The following UBASH3B variants were observed in gnomAD, a reference collection of about 807,000 sequenced individuals.
UBASH3B encodes ubiquitin-associated and SH3 domain-containing protein B.
Under a neutral mutation model 83.4 loss-of-function variants are expected in UBASH3B, and 37 were observed. The observed-to-expected ratio is 0.44, with a 90% CI of 0.34 to 0.58. The LOEUF (loss-of-function observed/expected upper bound fraction) is 0.58. Ranked by LOEUF, UBASH3B falls within the 20% of genes least tolerant of loss-of-function variation. UBASH3B has a pLI of 0.01. For synonymous variants in UBASH3B, 304 were observed against 318.3 expected, an observed-to-expected ratio of 0.96 and a Z score of 0.48; for missense variants, 657 against 827.2, an observed-to-expected ratio of 0.79 and a Z score of 2.52.
chr11:122,779,090 A>G (rs550720329), intron 3 of UBASH3B, among the ~76,000 whole-genome samples: 1 of 152,332 alleles, frequency 6.6e-6, no homozygotes, highest in East Asian at 1.9e-4. Flanking sequence ...AGCATATAAT[A>G]TGTTATGATG....
chr11:122,806,549 A>C lies in UBASH3B; in HGVS notation c.1702+33A>C, dbSNP rs754059100. ...GTATTATTCTGAACTCCATCTGTAC[A>C]TACGTGATTATTTCTCTATAATGGT... On this transcript the variant is annotated intron_variant, in intron 12 of 13. Transcript: ENST00000284273. The surrounding 1 kb of genome is among the most constrained non-coding windows in gnomAD (Gnocchi z 4.0). 6.5e-7 allele frequency: 1 copy of C among 1,536,328 alleles called. No individual in the cohort carries two copies. The highest frequency in any genetic ancestry group is 8.7e-7 in the Non-Finnish European group (1 of 1,150,480).
intron 1 of UBASH3B, among the ~76,000 whole-genome samples, chr11:122,667,122 C>A (rs940187581): frequency 6.9e-6 from 1 of 145,918 alleles, no homozygotes; most frequent in Non-Finnish European, 1.5e-5. Flanking sequence ...CAGCTCACTG[C>A]AACCTTTGCC....
intron 1 of UBASH3B, among the ~76,000 whole-genome samples, chr11:122,697,647 T>C (rs1212765695): frequency 6.6e-6 from 1 of 152,202 alleles, no homozygotes. Context: ...CACACTTGTT[T>C]CCATCTTCTT....
At chr11:122,662,217 C>CT (rs1320713615) in intron 1 of UBASH3B, among the ~76,000 whole-genome samples, 2 of 151,602 alleles carry the variant, frequency 1.3e-5, no homozygotes, top group African/African-American at 4.8e-5. Flanking sequence ...AGCCGATGTG[C>CT]TTTTTTTAAA....
chr11:122,798,573 T>C (rs751466216), intron 9 of UBASH3B, among the ~76,000 whole-genome samples: 1 of 151,702 alleles, frequency 6.6e-6, no homozygotes, highest in Admixed American at 6.6e-5. Flanking sequence ...TAGCTGGGTG[T>C]GGTGGTGCGC....
At chr11:122,695,504 A>T (rs913731346) in intron 1 of UBASH3B, among the ~76,000 whole-genome samples, 20 of 152,336 alleles carry the variant, frequency 1.3e-4, no homozygotes, top group Admixed American at 4.6e-4. Context: ...CCCTTCTGGG[A>T]ATATCTCCTT....
At chr11:122,674,746 T>TTTG in intron 1 of UBASH3B, among the ~76,000 whole-genome samples, 1 of 126,738 alleles carries the variant, frequency 7.9e-6, no homozygotes, top group African/African-American at 3.0e-5. Flanking sequence ...TTTTTTTTTT[T>TTTG]GAGGCGGAGT....
At chr11:122,660,788 C>CT (rs1419838479) in intron 1 of UBASH3B, among the ~76,000 whole-genome samples, 2 of 152,102 alleles carry the variant, frequency 1.3e-5, no homozygotes, top group African/African-American at 2.4e-5. Context: ...GTGGCTAGAA[C>CT]TTTGTCTACA....
chr11:122,740,359 C>T (rs1213775121), intron 1 of UBASH3B, among the ~76,000 whole-genome samples: 1 of 152,176 alleles, frequency 6.6e-6, no homozygotes, highest in African/African-American at 2.4e-5. Flanking sequence ...ATGGGCTTTC[C>T]TGACATGTTT....
At chr11:122,660,223 TAGG>T (rs1863419104) in intron 1 of UBASH3B, among the ~76,000 whole-genome samples, 1 of 152,068 alleles carries the variant, frequency 6.6e-6, no homozygotes, top group South Asian at 2.1e-4. Context: ...GACACTGCTA[TAGG>T]AGAATTTGCC....
chr11:122,683,602 C>G (rs1465164703), intron 1 of UBASH3B, among the ~76,000 whole-genome samples: 2 of 29,780 alleles, frequency 6.7e-5, no homozygotes, highest in Non-Finnish European at 2.5e-4. Context: ...GAGACTCCTT[C>G]TCAAAAAAAA....
intron 6 of UBASH3B, 38 bp from the exon 7 acceptor site, chr11:122,794,664 G>A (rs200289150): frequency 6.2e-7 from 1 of 1,613,248 alleles, no homozygotes; most frequent in African/African-American, 1.3e-5. Context: ...ATGACTGCTG[G>A]CCAGAGCAGT....
intron 1 of UBASH3B, among the ~76,000 whole-genome samples, chr11:122,675,717 C>T (rs1863658814): frequency 6.6e-6 from 1 of 152,170 alleles, no homozygotes; most frequent in African/African-American, 2.4e-5. Context: ...ATCCTGGCCC[C>T]AGTGAATTCC....
At chr11:122,709,305 C>T (rs1864162410) in intron 1 of UBASH3B, 1 of 152,216 alleles carries the variant, frequency 6.6e-6, no homozygotes, top group African/African-American at 2.4e-5. Flanking sequence ...CCAGCCCCAC[C>T]TTCATGTCTA....
At chr11:122,706,608 T>G (rs1337492762) in intron 1 of UBASH3B, among the ~76,000 whole-genome samples, 2 of 152,168 alleles carry the variant, frequency 1.3e-5, no homozygotes, top group Non-Finnish European at 2.9e-5. Flanking sequence ...GCCTTCAGAA[T>G]GATGAGTTTG....
chr11:122,721,120 C>T (rs1244495243), intron 1 of UBASH3B, among the ~76,000 whole-genome samples: 1 of 151,930 alleles, frequency 6.6e-6, no homozygotes, highest in African/African-American at 2.4e-5. Context: ...TGGCGTGTGC[C>T]TGTAGTCCCA....
At position 122,789,207 on chromosome 11, in the gene UBASH3B, G is replaced by C; in HGVS notation, c.879G>C (p.Glu293Asp). 6.2e-7 allele frequency: 1 copy of C among 1,614,212 alleles called. No individual in the cohort carries two copies. The highest frequency in any genetic ancestry group is 8.5e-7 in the Non-Finnish European group (1 of 1,180,038). The stretch of plus-strand genomic sequence containing the variant: ...CAATGGAGCAGACCAGCACCAGCGA[G>C]GGTTGGATCTATGGCACGTCCTTAA... ...MSPMEQTSTS[E>D]GWIYGTSLTT... Residue 293 changes from glutamate (E) to aspartate (D), a missense_variant, in exon 6 of 14, where the codon GAG becomes GAC. Physicochemically the swap from Glu to Asp is conservative, Grantham distance 45. Coordinates refer to ENST00000284273, the MANE Select transcript of UBASH3B (RefSeq NM_032873.5).
intron 11 of UBASH3B, among the ~76,000 whole-genome samples, chr11:122,801,904 G>A (rs1009874933): frequency 4.6e-5 from 7 of 152,188 alleles, no homozygotes; most frequent in South Asian, 4.1e-4. Flanking sequence ...CATGCAATCT[G>A]CTGTACAGTC....
At position 122,678,654 on chromosome 11, in the gene UBASH3B, C is replaced by G. The variant is rs758820705; in HGVS notation, c.161+22444C>G. Among the ~76,000 whole-genome samples, 35 of 151,776 alleles carry G rather than the reference C, an allele frequency of 2.3e-4. No homozygotes were observed. In the Admixed American group the frequency reaches 2.3e-3, roughly 10 times the overall value. On this transcript the variant is annotated intron_variant, in intron 1 of 13. Transcript: ENST00000284273. Reference sequence around the variant, plus strand: ...GGTGTGTTTTCAGGAGCTGATTGACCCTTGTGCTCCACAAAATAGTCAGTC... The same window carrying G: ...GGTGTGTTTTCAGGAGCTGATTGACGCTTGTGCTCCACAAAATAGTCAGTC...
Sources: allele counts gnomAD v4.1 joint callset (sites outside exome capture counted in the v4.1 genomes callset), GRCh38; gene constraint gnomAD v4.1.1; non-coding constraint Gnocchi (gnomAD v3.1); transcripts MANE v1.5; gene names NCBI Gene and HGNC (gene_info 2026-07-23, HGNC 2026-07-21).